Variants in PPP1R12A observed in about 807,000 individuals in gnomAD.
PPP1R12A encodes myosin binding subunit.
In PPP1R12A, 19 loss-of-function variants were observed where a neutral mutation model predicts 139.6. That is an observed-to-expected ratio of 0.14 (90% CI 0.09 to 0.20). The LOEUF is 0.20. PPP1R12A is among the 10% of genes least tolerant of loss of function. PPP1R12A has a pLI of 1.00. For synonymous variants in PPP1R12A, 427 were observed against 420.6 expected (o/e 1.02, Z -0.19); for missense variants, 925 against 1,211.5 (o/e 0.76, Z 3.51).
intron 20 of PPP1R12A, 40 bp downstream of exon 20, chr12:79,790,427 A>T (rs953447070): frequency 8.1e-7 from 1 of 1,227,020 alleles, no homozygotes; most frequent in African/African-American, 1.5e-5. Flanking sequence ...AAAGATAAAA[A>T]TAAGAAAAAA....
chr12:79,909,146 T>C (rs1358617774), intron 1 of PPP1R12A, among the ~76,000 whole-genome samples: 2 of 152,204 alleles, frequency 1.3e-5, no homozygotes, highest in African/African-American at 4.8e-5. Flanking sequence ...CTCCCAGCCC[T>C]GTAATTTATA....
At chr12:79,857,810 T>C (rs1484575054) in intron 2 of PPP1R12A, among the ~76,000 whole-genome samples, 1 of 152,098 alleles carries the variant, frequency 6.6e-6, no homozygotes, top group African/African-American at 2.4e-5. Flanking sequence ...TGCCCAATGC[T>C]ACTATCAGTT....
chr12:79,788,880 A>G (rs891950550), intron 20 of PPP1R12A, 97 bp from the exon 21 acceptor site: 7 of 993,020 alleles, frequency 7.0e-6, no homozygotes, highest in Non-Finnish European at 9.9e-6. Context: ...AGTTCAAAAG[A>G]GTAGGTCACA....
chr12:79,793,584 T>TA (rs1364703600), intron 19 of PPP1R12A, among the ~76,000 whole-genome samples: 1 of 152,160 alleles, frequency 6.6e-6, no homozygotes, highest in Non-Finnish European at 1.5e-5. Context: ...TACATCCACT[T>TA]AGAGTGTACA....
At chr12:79,799,139 C>A (rs940162572) in intron 14 of PPP1R12A, among the ~76,000 whole-genome samples, 1 of 151,746 alleles carries the variant, frequency 6.6e-6, no homozygotes, top group Non-Finnish European at 1.5e-5. Flanking sequence ...CTTTCTAAAT[C>A]TTTTTTTTGT....
intron 1 of PPP1R12A, among the ~76,000 whole-genome samples, chr12:79,896,237 C>T (rs950790748): frequency 3.9e-5 from 6 of 152,068 alleles, no homozygotes; most frequent in African/African-American, 1.4e-4. Flanking sequence ...CTAATATTGA[C>T]TAGAATTATT....
intron 22 of PPP1R12A, among the ~76,000 whole-genome samples, chr12:79,785,872 T>C (rs1871064152): frequency 6.6e-6 from 1 of 152,148 alleles, no homozygotes; most frequent in Non-Finnish European, 1.5e-5. Flanking sequence ...TACAAGGTTG[T>C]GAGTTTTGCT....
intron 1 of PPP1R12A, among the ~76,000 whole-genome samples, chr12:79,907,063 TTATAA>T (rs1291265937): frequency 6.6e-6 from 1 of 152,118 alleles, no homozygotes; most frequent in African/African-American, 2.4e-5. Flanking sequence ...TAAATACAGA[TTATAA>T]TAACTCTATC....
At position 79,796,837 on chromosome 12, in the gene PPP1R12A, A is replaced by G; in HGVS notation, c.2406T>C (p.Ser802=). The change falls in exon 17 of 25, where the codon AGT becomes AGC. Residue 802 remains serine (S), a synonymous_variant. Coordinates refer to ENST00000450142, the MANE Select transcript of PPP1R12A (RefSeq NM_002480.3). ...YASSQLNRPN[S]LVGITSAYSR... Reference sequence around the variant, plus strand: ...AGTAAGCAGAAGTTATGCCTACAAGACTATTTGGCCTGTTTAGTTGACTTG... The same window carrying G: ...AGTAAGCAGAAGTTATGCCTACAAGGCTATTTGGCCTGTTTAGTTGACTTG... The G allele has an allele frequency of 6.2e-7, 1 of 1,611,848 alleles. No individual in the cohort carries two copies. Among genetic ancestry groups the G allele is most frequent in the Non-Finnish European group, 8.5e-7 (1 of 1,178,210 alleles).
In PPP1R12A at chr12:79,896,653, C is replaced by T. The variant is rs76210692; in HGVS notation, c.238-23715G>A. Among the ~76,000 whole-genome samples, 760 of 152,254 alleles carry T rather than the reference C, an allele frequency of 5.0e-3. 3 individuals are homozygous for T. The highest frequency in any genetic ancestry group is 8.3e-3 in the Non-Finnish European group (565 of 68,012). ...AGTGCAAAATATATTTATACATTTT[C>T]TTGCCATTTTCTCTTTAGTTCGTAA... On this transcript the variant is annotated intron_variant, in intron 1 of 24. Transcript: ENST00000450142.
At chr12:79,869,074 G>T (rs916066343) in intron 2 of PPP1R12A, among the ~76,000 whole-genome samples, 1 of 152,142 alleles carries the variant, frequency 6.6e-6, no homozygotes, top group Non-Finnish European at 1.5e-5. Context: ...TCTGGAGAAA[G>T]GACATTACTA....
chr12:79,906,377 G>C (rs1357890409), intron 1 of PPP1R12A, among the ~76,000 whole-genome samples: 1 of 151,788 alleles, frequency 6.6e-6, no homozygotes, highest in South Asian at 2.1e-4. Context: ...ATAAAAATTA[G>C]GCAAAAGGAG....
At chr12:79,795,498 T>C (rs1214543755) in intron 18 of PPP1R12A, 140 bp downstream of exon 18, 2 of 942,500 alleles carry the variant, frequency 2.1e-6, no homozygotes, top group African/African-American at 1.7e-5. Context: ...ATTTTTCTTA[T>C]TTAACAACTC....
At chr12:79,923,669 C>T (rs1470932036) in intron 1 of PPP1R12A, among the ~76,000 whole-genome samples, 1 of 152,124 alleles carries the variant, frequency 6.6e-6, no homozygotes, top group Admixed American at 6.6e-5. Context: ...AATAATTATT[C>T]TTAAACTTTT....
chr12:79,889,410 C>T (rs1159766072), intron 1 of PPP1R12A, among the ~76,000 whole-genome samples: 1 of 152,168 alleles, frequency 6.6e-6, no homozygotes, highest in African/African-American at 2.4e-5. Flanking sequence ...ACAACAAAAT[C>T]CAGGCTCTGA....
chr12:79,885,207 T>A (rs899807288), intron 1 of PPP1R12A, among the ~76,000 whole-genome samples: 2 of 152,106 alleles, frequency 1.3e-5, no homozygotes, highest in Non-Finnish European at 2.9e-5. Flanking sequence ...TTGGGTGTTC[T>A]TGGGTAAACT....
In PPP1R12A at chr12:79,828,559, C is replaced by T. The variant is rs1877060331; in HGVS notation, c.648-95G>A. 3.0e-5 allele frequency: 28 copies of T among 943,828 alleles called. 1 individual carries two copies. The South Asian group carries it at 7.1e-4, about 24-fold the overall frequency. 58.5% of individuals were successfully genotyped at this position (943,828 alleles called of 1,614,324 possible). A position where few individuals can be genotyped will look rare whatever the true frequency, so the allele number is the denominator to read the frequency against. On this transcript the variant is annotated intron_variant, in intron 4 of 24. Coordinates refer to ENST00000450142, the MANE Select transcript of PPP1R12A (RefSeq NM_002480.3). ...TATCATGCAATTTAACTACAATTTT[C>T]AATTAATTTCTTTTCAGAATTTACA...
intron 2 of PPP1R12A, among the ~76,000 whole-genome samples, chr12:79,870,595 GA>G (rs1403831100): frequency 6.6e-6 from 1 of 152,072 alleles, no homozygotes; most frequent in African/African-American, 2.4e-5. Context: ...CTGGTTCAAG[GA>G]AACTCCATAG....
rs1319201530 is a variant in PPP1R12A, at chr12:79,807,297, A to G, written c.1584T>C (p.Tyr528=). 1 of 1,555,854 alleles carries G rather than the reference A, an allele frequency of 6.4e-7. No individual in the cohort carries two copies. The highest frequency in any genetic ancestry group is 2.4e-5 in the East Asian group (1 of 42,398). ...DSSSLRTSSS[Y]TRRKWEDDLK... ...GATCATCTTCCCATTTTCTCCTTGT[A>G]TATGAACTACTTGTTCGCAAACTTG... The change falls in exon 12 of 25, where the codon TAT becomes TAC. Residue 528 remains tyrosine, a synonymous_variant. Coordinates refer to ENST00000450142, the MANE Select transcript of PPP1R12A (RefSeq NM_002480.3).
Sources: allele counts gnomAD v4.1 joint callset (sites outside exome capture counted in the v4.1 genomes callset), GRCh38; gene constraint gnomAD v4.1.1; transcripts MANE v1.5; gene names NCBI Gene and HGNC (gene_info 2026-07-23, HGNC 2026-07-21).